The following SETD2 variants were observed in gnomAD, a reference collection of about 807,000 sequenced individuals.
SETD2 encodes histone-lysine N-methyltransferase SETD2.
In SETD2, 31 loss-of-function variants were observed where a neutral mutation model predicts 242.1. That is an observed-to-expected ratio of 0.13 (90% CI 0.10 to 0.17). SETD2 has a LOEUF of 0.17. Among genes scored for constraint, SETD2 ranks in the 10% least tolerant of loss-of-function variants. SETD2 has a pLI of 1.00. For missense variants in SETD2, 2,481 were observed against 3,046.3 expected (o/e 0.81, Z 4.37); for synonymous variants, 1,006 against 1,066.5 (o/e 0.94, Z 1.11).
At chr3:47,068,531 C>T (rs2040668957) in intron 12 of SETD2, among the ~76,000 whole-genome samples, 1 of 130,382 alleles carries the variant, frequency 7.7e-6, no homozygotes, top group African/African-American at 2.9e-5. Flanking sequence ...GAGTCTTGCT[C>T]TGTCATCCAG....
chr3:47,046,468 C>T lies in SETD2; in HGVS notation c.7098+19G>A, dbSNP rs1369464337. ...AAAGTAGACAGCCAATGAGTTTTAA[C>T]AACTGAAACATTTCTTACTGGCTGC... is the stretch of plus-strand genomic sequence containing the variant. On this transcript the variant is annotated intron_variant, in intron 16 of 20. Coordinates refer to ENST00000409792, the MANE Select transcript of SETD2 (RefSeq NM_014159.7). The T allele has an allele frequency of 6.3e-7, 1 of 1,574,966 alleles. No homozygotes were observed. Among genetic ancestry groups the T allele is most frequent in the Non-Finnish European group, 8.6e-7 (1 of 1,159,052 alleles).
chr3:47,020,210 T>C (rs17784127), intron 18 of SETD2, among the ~76,000 whole-genome samples: 53,008 of 151,786 alleles, frequency 0.35, 9,713 homozygotes, highest in Middle Eastern at 0.49. Flanking sequence ...TCTGACACTC[T>C]AGGATTCCAG....
intron 15 of SETD2, among the ~76,000 whole-genome samples, chr3:47,051,010 G>C (rs1166734978): frequency 6.6e-6 from 1 of 151,964 alleles, no homozygotes; most frequent in East Asian, 1.9e-4. Flanking sequence ...TGGGATTATA[G>C]ATGTGAGCCA....
At chr3:47,144,696 G>A (rs1327227924) in intron 1 of SETD2, among the ~76,000 whole-genome samples, 1 of 150,304 alleles carries the variant, frequency 6.7e-6, no homozygotes, top group East Asian at 2.0e-4. Context: ...GGCCAGGCAC[G>A]GTGGCCCACA....
chr3:47,110,995 C>T lies in SETD2; in HGVS notation c.4715+2881G>A, dbSNP rs567365053. 1.6e-4 allele frequency among the ~76,000 whole-genome samples: 23 copies of T among 142,972 alleles called. No individual in the cohort carries two copies. The South Asian group carries it at 5.0e-3, about 31-fold the overall frequency. 93.8% of individuals were successfully genotyped at this position (142,972 alleles called of 152,430 possible). A position where few individuals can be genotyped will look rare whatever the true frequency, so the allele number is the denominator to read the frequency against. On this transcript the variant is annotated intron_variant, in intron 5 of 20. Coordinates refer to ENST00000409792, the MANE Select transcript of SETD2 (RefSeq NM_014159.7). ...AGGTTTGAAGCTATGTGTTTTACTG[C>T]AGATACCACAAAAGACCAGCATCCA...
At chr3:47,139,937 T>C (rs1467828424) in intron 1 of SETD2, among the ~76,000 whole-genome samples, 1 of 152,110 alleles carries the variant, frequency 6.6e-6, no homozygotes, top group Non-Finnish European at 1.5e-5. Flanking sequence ...GTATAGTATC[T>C]CAAACATACA....
At chr3:47,049,374 C>G (rs1476281451) in intron 15 of SETD2, among the ~76,000 whole-genome samples, 1 of 96,954 alleles carries the variant, frequency 1.0e-5, no homozygotes, top group Non-Finnish European at 1.9e-5. Context: ...TAAACTTATT[C>G]TTTTTTTTTT....
At chr3:47,049,959 C>T (rs1314720755) in intron 15 of SETD2, among the ~76,000 whole-genome samples, 8 of 144,558 alleles carry the variant, frequency 5.5e-5, no homozygotes, top group Non-Finnish European at 1.2e-4. Flanking sequence ...TATATTTGTA[C>T]ATATATTTAT....
intron 1 of SETD2, among the ~76,000 whole-genome samples, chr3:47,138,583 G>T (rs946891770): frequency 2.0e-5 from 3 of 152,064 alleles, no homozygotes; most frequent in African/African-American, 7.2e-5. Context: ...CATCAAGCCT[G>T]GCTAATTTTG....
intron 9 of SETD2, among the ~76,000 whole-genome samples, chr3:47,093,179 A>G (rs2041872252): frequency 6.6e-6 from 1 of 151,472 alleles, no homozygotes; most frequent in Non-Finnish European, 1.5e-5. Flanking sequence ...TGGACAAAAT[A>G]TTTTGTCATG....
At position 47,017,544 on chromosome 3, in the gene SETD2, A is replaced by G. The variant is rs890008999; in HGVS notation, c.7533+94T>C. ...CCAGCTCTGACATCTGACAAGAAAA[A>G]AAAAAATACTTTCTATGATGAAAAG... On this transcript the variant is annotated intron_variant, in intron 20 of 20. Transcript: ENST00000409792. The surrounding 1 kb of genome is among the most constrained non-coding windows in gnomAD (Gnocchi z 4.8). 2.0e-6 allele frequency: 2 copies of G among 1,025,222 alleles called. No homozygotes were observed. Among genetic ancestry groups the G allele is most frequent in the Non-Finnish European group, 3.0e-6 (2 of 675,210 alleles). 63.5% of individuals were successfully genotyped at this position (1,025,222 alleles called of 1,614,324 possible). A position where few individuals can be genotyped will look rare whatever the true frequency, so the allele number is the denominator to read the frequency against.
intron 1 of SETD2, among the ~76,000 whole-genome samples, chr3:47,160,368 C>G (rs1006353665): frequency 6.6e-6 from 1 of 151,938 alleles, no homozygotes; most frequent in East Asian, 1.9e-4. Flanking sequence ...GTGGCACAAT[C>G]TCAGCTCACG....
chr3:47,050,872 AG>A (rs1419559627), intron 15 of SETD2, among the ~76,000 whole-genome samples: 1 of 151,664 alleles, frequency 6.6e-6, no homozygotes, highest in Non-Finnish European at 1.5e-5. Context: ...CTGGGATTAT[AG>A]GCGTGCGCCA....
At chr3:47,163,774 C>T in intron 1 of SETD2, 80 bp downstream of exon 1, 1 of 1,225,608 alleles carries the variant, frequency 8.2e-7, no homozygotes, top group Non-Finnish European at 1.0e-6. Context: ...CGGCCCGCGC[C>T]GCCACCCGTC....
intron 4 of SETD2, among the ~76,000 whole-genome samples, chr3:47,114,876 CAAAA>C (rs764948151): frequency 9.1e-5 from 5 of 55,078 alleles, no homozygotes; most frequent in African/African-American, 2.1e-4. Flanking sequence ...GAGACTGTCT[CAAAA>C]AAAAAAAAAA....
chr3:47,150,677 T>C (rs2043963682), intron 1 of SETD2, among the ~76,000 whole-genome samples: 1 of 152,006 alleles, frequency 6.6e-6, no homozygotes, highest in South Asian at 2.1e-4. Context: ...AATCTTATAG[T>C]TATTTAAGAA....
intron 5 of SETD2, among the ~76,000 whole-genome samples, chr3:47,111,136 G>A (rs2107711183): frequency 6.7e-6 from 1 of 148,880 alleles, no homozygotes; most frequent in East Asian, 2.0e-4. Flanking sequence ...GGCTGGCTAG[G>A]GCAGAATGAA....
intron 12 of SETD2, among the ~76,000 whole-genome samples, chr3:47,075,279 G>A (rs1052984588): frequency 1.3e-5 from 2 of 152,112 alleles, no homozygotes; most frequent in Middle Eastern, 3.4e-3. Flanking sequence ...ATCTAAAAAG[G>A]CTGGGCGCGG....
At chr3:47,111,096 A>AG (rs1559731020) in intron 5 of SETD2, among the ~76,000 whole-genome samples, 1 of 150,184 alleles carries the variant, frequency 6.7e-6, no homozygotes, top group Non-Finnish European at 1.5e-5. Flanking sequence ...AAAAAAAAAA[A>AG]AAAAAAAAAA....
Sources: allele counts gnomAD v4.1 joint callset (sites outside exome capture counted in the v4.1 genomes callset), GRCh38; gene constraint gnomAD v4.1.1; non-coding constraint Gnocchi (gnomAD v3.1); transcripts MANE v1.5; gene names NCBI Gene and HGNC (gene_info 2026-07-23, HGNC 2026-07-21).